MPRIP: variants seen among roughly 807,000 people sequenced by gnomAD.
MPRIP encodes myosin phosphatase Rho interacting protein.
In MPRIP, 59 loss-of-function variants were observed where a neutral mutation model predicts 234.9. The ratio of observed to expected loss-of-function variants is 0.25; its 90% confidence interval spans 0.20 to 0.31. MPRIP has a LOEUF of 0.31. Among genes scored for constraint, MPRIP ranks in the 10% least tolerant of loss-of-function variants. The pLI, the probability that MPRIP is intolerant of heterozygous loss-of-function variation, is 1.00. For missense variants in MPRIP, 2,436 were observed against 3,071.0 expected (o/e 0.79, Z 4.89); for synonymous variants, 1,144 against 1,263.9 (o/e 0.91, Z 2.01).
intron 4 of MPRIP, among the ~76,000 whole-genome samples, chr17:17,129,425 G>A (rs1490530606): frequency 6.6e-6 from 1 of 152,194 alleles, no homozygotes; most frequent in Non-Finnish European, 1.5e-5. Flanking sequence ...TCTGGATGAT[G>A]TTAGACGCTT....
chr17:17,144,982 T>C (rs542920565), intron 9 of MPRIP, among the ~76,000 whole-genome samples: 1 of 152,260 alleles, frequency 6.6e-6, no homozygotes, highest in Non-Finnish European at 1.5e-5. Context: ...ATTTAAGGGC[T>C]ACTTGGGGTA....
intron 1 of MPRIP, among the ~76,000 whole-genome samples, chr17:17,064,379 A>G (rs867454472): frequency 5.9e-5 from 9 of 151,730 alleles, no homozygotes; most frequent in African/African-American, 2.2e-4. Flanking sequence ...TTATTAAACT[A>G]CTTACGTTGA....
intron 3 of MPRIP, among the ~76,000 whole-genome samples, chr17:17,088,455 A>G (rs1382105762): frequency 1.3e-5 from 2 of 152,234 alleles, no homozygotes; most frequent in African/African-American, 4.8e-5. Flanking sequence ...AAGAGCGGGG[A>G]AAGAAGTGTC....
Position 17,153,080 on chromosome 17 carries a change from G to T in MPRIP, c.1720-1226G>T, listed in dbSNP as rs540382635. ...AACGCCCACACCTGGGGGTGGAGAAGGATGGACCCAGGAGAAGGTGGTACC... is the reference window on the plus strand; with the variant it reads ...AACGCCCACACCTGGGGGTGGAGAATGATGGACCCAGGAGAAGGTGGTACC... On this transcript the variant is annotated intron_variant, in intron 12 of 23. Transcript: ENST00000651222. Among the ~76,000 whole-genome samples the T allele has an allele frequency of 7.2e-5, 11 of 152,306 alleles. No individual in the cohort carries two copies. In the South Asian group the frequency reaches 2.1e-3, roughly 29 times the overall value.
At chr17:17,183,994 A>G (rs892455673) in intron 23 of MPRIP, among the ~76,000 whole-genome samples, 3 of 152,242 alleles carry the variant, frequency 2.0e-5, no homozygotes, top group Admixed American at 1.3e-4. Flanking sequence ...GAAGAGGGAG[A>G]TAAGTGAAGA....
chr17:17,056,147 G>A (rs1179007803), intron 1 of MPRIP, among the ~76,000 whole-genome samples: 1 of 152,214 alleles, frequency 6.6e-6, no homozygotes, highest in Non-Finnish European at 1.5e-5. Flanking sequence ...GGCATGTGCG[G>A]GGAAGGGTGG....
rs1191777403 is a variant in MPRIP at position 17,192,624 on chromosome 17, TAAA to T, written c.*7731_*7733del. On this transcript the variant is annotated 3_prime_UTR_variant, in exon 24 of 24. Coordinates refer to ENST00000651222, the MANE Select transcript of MPRIP (RefSeq NM_001364716.4). ...TAACTTTACATAAACTATATCATAA[TAAA>T]CTATTTTTGCATCACCCTTTGCATG... is the stretch of plus-strand genomic sequence containing the variant. 1 of 152,196 alleles carries T rather than the reference TAAA, an allele frequency of 6.6e-6. No individual in the cohort carries two copies. Among genetic ancestry groups the T allele is most frequent in the Non-Finnish European group, 1.5e-5 (1 of 68,022 alleles). 9.4% of individuals were successfully genotyped at this position (152,196 alleles called of 1,614,324 possible). A position where few individuals can be genotyped will look rare whatever the true frequency, so the allele number is the denominator to read the frequency against.
At chr17:17,134,475 C>T (rs546994939) in intron 5 of MPRIP, among the ~76,000 whole-genome samples, 7 of 152,294 alleles carry the variant, frequency 4.6e-5, no homozygotes, top group Non-Finnish European at 8.8e-5. Flanking sequence ...TCAGGAGAAA[C>T]CTTCACTGTT....
intron 16 of MPRIP, among the ~76,000 whole-genome samples, chr17:17,169,761 G>A (rs1209722139): frequency 6.6e-6 from 1 of 152,238 alleles, no homozygotes; most frequent in African/African-American, 2.4e-5. Flanking sequence ...TTGGGTCGTT[G>A]GGGACAGGGT....
chr17:17,089,900 G>A (rs1372517555), intron 3 of MPRIP, among the ~76,000 whole-genome samples: 1 of 152,160 alleles, frequency 6.6e-6, no homozygotes, highest in Non-Finnish European at 1.5e-5. Context: ...TGCTCCGGTT[G>A]GGGCAGTGTG....
rs61050144 is a variant in MPRIP, at chr17:17,189,501, T to TA, written c.*4619dup. Reference sequence around the variant, plus strand: ...ACCACGCCTGGCCTATAAGATACGGTAAAAAAAAAAAACTGTGACCCCTTT... The same window carrying TA: ...ACCACGCCTGGCCTATAAGATACGGTAAAAAAAAAAAAACTGTGACCCCTTT... On this transcript the variant is annotated 3_prime_UTR_variant, in exon 24 of 24. Coordinates refer to ENST00000651222, the MANE Select transcript of MPRIP (RefSeq NM_001364716.4). The TA allele has an allele frequency of 0.48, 70,739 of 147,686 alleles. 18,123 individuals carry two copies. Among genetic ancestry groups the TA allele is most frequent in the East Asian group, 0.69 (3,498 of 5,106 alleles). 9.1% of individuals were successfully genotyped at this position (147,686 alleles called of 1,614,324 possible).
chr17:17,190,799 G>C lies in MPRIP; in HGVS notation c.*5905G>C, dbSNP rs1281316057. The C allele has an allele frequency of 6.6e-6, 1 of 152,152 alleles. No individual in the cohort carries two copies. Among genetic ancestry groups the C allele is most frequent in the Non-Finnish European group, 1.5e-5 (1 of 68,032 alleles). 9.4% of individuals were successfully genotyped at this position (152,152 alleles called of 1,614,324 possible). A position where few individuals can be genotyped will look rare whatever the true frequency, so the allele number is the denominator to read the frequency against. ...CTTAGGTGTTCGGATGCAGTACTTT[G>C]TGAATACTTAAGCTACTGCATGCTT... is the stretch of plus-strand genomic sequence containing the variant. On this transcript the variant is annotated 3_prime_UTR_variant, in exon 24 of 24. Transcript: ENST00000651222.
At chr17:17,175,633 G>C (rs537532887) in intron 20 of MPRIP, among the ~76,000 whole-genome samples, 1 of 152,294 alleles carries the variant, frequency 6.6e-6, no homozygotes, top group African/African-American at 2.4e-5. Flanking sequence ...GAGGGGCTGT[G>C]GGGATCCTGA....
intron 1 of MPRIP, among the ~76,000 whole-genome samples, chr17:17,062,750 C>T (rs1452471421): frequency 1.3e-5 from 2 of 152,268 alleles, no homozygotes; most frequent in African/African-American, 4.8e-5. Context: ...TGTATAGTCA[C>T]TCTCGAAACT....
In MPRIP at chr17:17,142,780, C is replaced by T; in HGVS notation, c.1389+15C>T. The T allele has an allele frequency of 6.2e-7, 1 of 1,610,730 alleles. No individual in the cohort carries two copies. Among genetic ancestry groups the T allele is most frequent in the Non-Finnish European group, 8.5e-7 (1 of 1,178,908 alleles). ...CTAGGAAGCGGGTGAGCTCCTGGGG[C>T]TGGGCAGCACCTCAGGGGTGGCTCG... is the stretch of plus-strand genomic sequence containing the variant. On this transcript the variant is annotated intron_variant, in intron 8 of 23. Transcript: ENST00000651222.
In MPRIP at chr17:17,167,287, A is replaced by G. The variant is rs1430236756; in HGVS notation, c.5696A>G (p.Lys1899Arg). 2 of 1,304,022 alleles carry G rather than the reference A, an allele frequency of 1.5e-6. No individual in the cohort carries two copies. Among genetic ancestry groups the G allele is most frequent in the Non-Finnish European group, 2.0e-6 (2 of 988,948 alleles). The allele number at this position is 1,304,022 out of a possible 1,614,324, so 80.8% of individuals were successfully genotyped here. The change falls in exon 16 of 24, where the codon AAG becomes AGG. Residue 1899 changes from lysine (K) to arginine (R), a missense_variant. By Grantham distance (26) the Lys-to-Arg change is conservative. Coordinates refer to ENST00000651222, the MANE Select transcript of MPRIP (RefSeq NM_001364716.4). The surrounding 1 kb of genome is among the most constrained non-coding windows in gnomAD (Gnocchi z 5.9). ...TATGAGGAGCTTCTCCGCAAGCAGA[A>G]GAGCGAGTACCTGGATGTGATCGCC... ...EEYEELLRKQ[K>R]SEYLDVIAIV...
chr17:17,172,516 G>T (rs2046161789), intron 17 of MPRIP, among the ~76,000 whole-genome samples, 182 bp from the exon 18 acceptor site: 1 of 152,118 alleles, frequency 6.6e-6, no homozygotes, highest in African/African-American at 2.4e-5. Flanking sequence ...CTCCCAGCCT[G>T]CACCCACCTC....
intron 3 of MPRIP, among the ~76,000 whole-genome samples, chr17:17,100,807 T>C (rs1360605695): frequency 6.6e-6 from 1 of 152,066 alleles, no homozygotes; most frequent in East Asian, 1.9e-4. Context: ...GCACAGTAAA[T>C]GTAATGCGCT....
chr17:17,123,449 T>C (rs1227722237), intron 3 of MPRIP, among the ~76,000 whole-genome samples: 1 of 152,090 alleles, frequency 6.6e-6, no homozygotes, highest in Non-Finnish European at 1.5e-5. Context: ...GATCAGTTGA[T>C]GTCAGGAGTT....
Sources: gnomAD v4.1 joint callset for allele counts (sites outside exome capture counted in the v4.1 genomes callset) on GRCh38, gnomAD v4.1.1 for gene constraint, Gnocchi (gnomAD v3.1) non-coding constraint, MANE v1.5 for transcripts, NCBI Gene and HGNC (gene_info 2026-07-23, HGNC 2026-07-21) for gene names.